Variants in PDE3B observed in about 807,000 individuals in gnomAD.
PDE3B encodes the protein phosphodiesterase 3B.
PDE3B carries 66 observed loss-of-function variants against 116.8 expected under a neutral mutation model. That is an observed-to-expected ratio of 0.56 (90% CI 0.46 to 0.69). PDE3B has a LOEUF of 0.69. PDE3B is among the 30% of genes least tolerant of loss of function. The pLI is 0.00. For synonymous variants in PDE3B, 595 were observed against 533.6 expected, an observed-to-expected ratio of 1.12 and a Z score of -1.59; for missense variants, 1,384 against 1,368.1, an observed-to-expected ratio of 1.01 and a Z score of -0.18.
At chr11:14,803,174 G>A (rs192494593) in intron 4 of PDE3B, among the ~76,000 whole-genome samples, 18 of 149,830 alleles carry the variant, frequency 1.2e-4, no homozygotes, top group Admixed American at 9.2e-4. Flanking sequence ...GGTTACAGCT[G>A]CCTGTTAGTG....
At chr11:14,860,908 T>C (rs960142092) in intron 13 of PDE3B, among the ~76,000 whole-genome samples, 8 of 111,836 alleles carry the variant, frequency 7.2e-5, no homozygotes, top group African/African-American at 2.2e-4. Context: ...AATAAATACA[T>C]ATATATATAT....
chr11:14,808,267 A>G (rs181637346), intron 5 of PDE3B, among the ~76,000 whole-genome samples: 1 of 152,340 alleles, frequency 6.6e-6, no homozygotes, highest in Admixed American at 6.5e-5. Context: ...TAAACAAATT[A>G]TCAGAAAGAA....
In PDE3B at chr11:14,654,248, A is replaced by T. The variant is rs564988236; in HGVS notation, c.978+9195A>T. ...AGAATAAATTAAAAGAAACCCATAC[A>T]TTATTGCAAAATTACAGAACCTTAA... On this transcript the variant is annotated intron_variant, in intron 1 of 15. Transcript: ENST00000282096. 1.8e-4 allele frequency among the ~76,000 whole-genome samples: 27 copies of T among 152,286 alleles called. No homozygotes were observed. The South Asian group carries it at 5.2e-3, about 29-fold the overall frequency.
chr11:14,840,695 T>C (rs767420321), intron 11 of PDE3B, among the ~76,000 whole-genome samples: 1 of 152,160 alleles, frequency 6.6e-6, no homozygotes, highest in Admixed American at 6.6e-5. Context: ...CTCAAAGGTA[T>C]CTTTTGAAAG....
In PDE3B at chr11:14,844,006, G is replaced by T; in HGVS notation, c.2500G>T (p.Val834Leu). 2 of 1,613,980 alleles carry T rather than the reference G, an allele frequency of 1.2e-6. No individual in the cohort carries two copies. Among genetic ancestry groups the T allele is most frequent in the Non-Finnish European group, 1.7e-6 (2 of 1,179,876 alleles). The change falls in exon 12 of 16, where the codon GTG (valine) becomes TTG (leucine). Residue 834 changes from valine (V) to leucine (L), a missense_variant. Val to Leu is a conservative substitution (Grantham distance 32). Transcript: ENST00000282096. ...DHPGRTNAFL[V>L]ATNAPQAVLY... ...CCCAGGGAGGACAAATGCATTTCTA[G>T]TGGCTACAAATGCCCCTCAGGTAGG...
intron 1 of PDE3B, among the ~76,000 whole-genome samples, chr11:14,657,272 C>T (rs1853740620): frequency 6.6e-6 from 1 of 152,106 alleles, no homozygotes; most frequent in Non-Finnish European, 1.5e-5. Context: ...TGCAGCACCT[C>T]CCCAGGAATG....
intron 1 of PDE3B, among the ~76,000 whole-genome samples, chr11:14,715,551 GCTCT>G (rs1855852709): frequency 6.6e-6 from 1 of 152,020 alleles, no homozygotes; most frequent in Admixed American, 6.5e-5. Flanking sequence ...TCATGATTTG[GCTCT>G]CTGTTTGTGT....
At chr11:14,772,116 C>G (rs1857663060) in intron 2 of PDE3B, 129 bp downstream of exon 2, 1 of 495,314 alleles carries the variant, frequency 2.0e-6, no homozygotes, top group Non-Finnish European at 3.7e-6. Context: ...TTTTCTTTAA[C>G]TAAACTAATA....
intron 1 of PDE3B, among the ~76,000 whole-genome samples, chr11:14,744,135 C>T (rs1266888199): frequency 6.6e-6 from 1 of 152,154 alleles, no homozygotes; most frequent in Non-Finnish European, 1.5e-5. Flanking sequence ...TTCCATTGAT[C>T]TACATGTCTG....
chr11:14,845,122 G>A (rs1847568690), intron 12 of PDE3B, among the ~76,000 whole-genome samples: 1 of 151,884 alleles, frequency 6.6e-6, no homozygotes, highest in African/African-American at 2.4e-5. Flanking sequence ...ACACGGCTGG[G>A]TACTCCTCCG....
intron 1 of PDE3B, among the ~76,000 whole-genome samples, chr11:14,726,388 G>A (rs750248866): frequency 6.6e-6 from 1 of 152,024 alleles, no homozygotes; most frequent in Non-Finnish European, 1.5e-5. Flanking sequence ...TAATATGTGG[G>A]TTCCATAAAC....
chr11:14,773,475 A>G (rs1001787858), intron 2 of PDE3B: 5 of 152,148 alleles, frequency 3.3e-5, no homozygotes, highest in Admixed American at 3.3e-4. Flanking sequence ...AAGAACCTTG[A>G]TATCAAGATA....
intron 5 of PDE3B, among the ~76,000 whole-genome samples, chr11:14,815,774 A>C (rs1196298659): frequency 6.6e-6 from 1 of 152,202 alleles, no homozygotes; most frequent in Non-Finnish European, 1.5e-5. Flanking sequence ...CAATAGAAAA[A>C]TTAGCAAAAG....
At chr11:14,837,176 A>G (rs1462342730) in intron 11 of PDE3B, among the ~76,000 whole-genome samples, 1 of 152,172 alleles carries the variant, frequency 6.6e-6, no homozygotes, top group Middle Eastern at 3.2e-3. Context: ...TGACCTTTTG[A>G]TCTTTCCAAG....
chr11:14,658,923 T>C (rs1853802422), intron 1 of PDE3B, among the ~76,000 whole-genome samples: 1 of 152,246 alleles, frequency 6.6e-6, no homozygotes, highest in East Asian at 1.9e-4. Flanking sequence ...AAATAGTTTA[T>C]TGAGTTGGAT....
the PDE3B span, chr11:14,892,070 GC>G: frequency 2.0e-5 from 32 of 1,611,636 alleles, no homozygotes; most frequent in Non-Finnish European, 2.6e-5. Context: ...ATAAATGGCA[GC>G]CCCGGCGGCC....
At chr11:14,690,274 T>G (rs1327978604) in intron 1 of PDE3B, among the ~76,000 whole-genome samples, 1 of 152,194 alleles carries the variant, frequency 6.6e-6, no homozygotes, top group Non-Finnish European at 1.5e-5. Context: ...ATATATGAGT[T>G]TCTCTAAATT....
At chr11:14,882,275 A>G in the PDE3B span, among the ~76,000 whole-genome samples, 1 of 152,162 alleles carries the variant, frequency 6.6e-6, no homozygotes, top group African/African-American at 2.4e-5. Context: ...AACAACAAAT[A>G]AATTATACAG....
At chr11:14,794,674 ACT>A (rs1460136563) in intron 4 of PDE3B, among the ~76,000 whole-genome samples, 2 of 152,056 alleles carry the variant, frequency 1.3e-5, no homozygotes, top group Non-Finnish European at 2.9e-5. Flanking sequence ...CTGGTTAAGG[ACT>A]CAGTCCGACA....
Sources: gnomAD v4.1 joint callset for allele counts (sites outside exome capture counted in the v4.1 genomes callset) on GRCh38, gnomAD v4.1.1 for gene constraint, MANE v1.5 for transcripts, NCBI Gene and HGNC (gene_info 2026-07-23, HGNC 2026-07-21) for gene names.